The following ANKS1B variants were observed in gnomAD, a reference collection of about 807,000 sequenced individuals.
The protein encoded by ANKS1B is ankyrin repeat and sterile alpha motif domain containing 1B.
In ANKS1B, 36 loss-of-function variants were observed where a neutral mutation model predicts 148.3. That is an observed-to-expected ratio of 0.24 (90% CI 0.19 to 0.32). The LOEUF (loss-of-function observed/expected upper bound fraction) is 0.32, where lower values mean the gene tolerates loss of function less well. Among genes scored for constraint, ANKS1B ranks in the 10% least tolerant of loss-of-function variants. The probability of loss-of-function intolerance (pLI) is 1.00; values close to 1 mark genes in which losing one functional copy is unlikely to be tolerated. For synonymous variants in ANKS1B, 542 were observed against 560.8 expected (o/e 0.97, Z 0.47); for missense variants, 1,157 against 1,542.6 (o/e 0.75, Z 4.19).
chr12:99,445,173 T>A (rs2095616272), intron 10 of ANKS1B, among the ~76,000 whole-genome samples: 1 of 152,018 alleles, frequency 6.6e-6, no homozygotes, highest in Non-Finnish European at 1.5e-5. Flanking sequence ...CATGAGTCAA[T>A]ACTGAAACAC....
chr12:99,919,601 AAT>A (rs2094286353), intron 1 of ANKS1B, among the ~76,000 whole-genome samples: 1 of 152,158 alleles, frequency 6.6e-6, no homozygotes, highest in Non-Finnish European at 1.5e-5. Flanking sequence ...AGAAAACTTA[AAT>A]ACTACTCAGC....
chr12:98,789,304 C>T (rs1487841657), intron 22 of ANKS1B, among the ~76,000 whole-genome samples: 2 of 152,110 alleles, frequency 1.3e-5, no homozygotes, highest in African/African-American at 4.8e-5. Flanking sequence ...GATTGCACCA[C>T]CACACTCCAG....
chr12:99,373,336 G>A (rs971846177), intron 12 of ANKS1B, among the ~76,000 whole-genome samples: 2 of 152,100 alleles, frequency 1.3e-5, no homozygotes, highest in African/African-American at 4.8e-5. Context: ...AAGATAATTG[G>A]GAGAGGAAAA....
intron 9 of ANKS1B, among the ~76,000 whole-genome samples, chr12:99,567,455 C>T (rs1400961698): frequency 6.6e-6 from 1 of 152,074 alleles, no homozygotes; most frequent in African/African-American, 2.4e-5. Context: ...CCCCCCGACA[C>T]ACACACATAC....
At chr12:99,736,577 G>C (rs879319515) in intron 8 of ANKS1B, among the ~76,000 whole-genome samples, 11 of 151,920 alleles carry the variant, frequency 7.2e-5, no homozygotes, top group Non-Finnish European at 1.0e-4. Context: ...ACAAAACACT[G>C]ATAAAAGAAA....
intron 12 of ANKS1B, among the ~76,000 whole-genome samples, chr12:99,355,594 A>T (rs2091900814): frequency 6.6e-6 from 1 of 152,048 alleles, no homozygotes; most frequent in South Asian, 2.1e-4. Flanking sequence ...CTGCATGGAG[A>T]TTCAGATTTC....
intron 17 of ANKS1B, among the ~76,000 whole-genome samples, chr12:99,027,923 T>C (rs1287390360): frequency 6.6e-6 from 1 of 152,228 alleles, no homozygotes; most frequent in Admixed American, 6.5e-5. Context: ...ATTATTGCCA[T>C]AGCTACTCTA....
chr12:99,851,216 G>A (rs965383671), intron 1 of ANKS1B, among the ~76,000 whole-genome samples: 6 of 151,942 alleles, frequency 3.9e-5, no homozygotes, highest in African/African-American at 1.5e-4. Flanking sequence ...GGTTTCCTGT[G>A]GCAGGAATAT....
chr12:98,777,352 A>C (rs1021162104), intron 24 of ANKS1B, among the ~76,000 whole-genome samples: 1 of 152,266 alleles, frequency 6.6e-6, no homozygotes, highest in African/African-American at 2.4e-5. Context: ...CAATGAAAGC[A>C]AAAAACAAAC....
chr12:99,408,383 A>G (rs1056039922), intron 11 of ANKS1B, among the ~76,000 whole-genome samples: 1 of 145,942 alleles, frequency 6.9e-6, no homozygotes, highest in Non-Finnish European at 1.5e-5. Context: ...AAGACCTCAA[A>G]CTACAAAACT....
At chr12:98,870,688 C>T (rs1278308607) in intron 17 of ANKS1B, among the ~76,000 whole-genome samples, 1 of 152,184 alleles carries the variant, frequency 6.6e-6, no homozygotes, top group Non-Finnish European at 1.5e-5. Context: ...AAAGCTTGTA[C>T]AACAAATGCA....
intron 17 of ANKS1B, chr12:98,894,898 GCCCCCGCCCCCCGCGCGGCGCGTGC>G (rs1318582746): frequency 3.8e-5 from 36 of 953,530 alleles, no homozygotes; most frequent in Non-Finnish European, 3.8e-5. Context: ...GCCCCCCACT[GCCCCCGCCCCCCGCGCGGCGCGTGC>G]CCCCCACCCC....
chr12:99,401,534 C>G lies in ANKS1B; in HGVS notation c.1576-1723G>C, dbSNP rs540157396. On this transcript the variant is annotated intron_variant, in intron 11 of 26. Transcript: ENST00000683438. Reference sequence around the variant, plus strand: ...GAATCCTGACCACCCATGGTTCTAACTGCTTTAAAAACACAATGTTTTATG... The same window carrying G: ...GAATCCTGACCACCCATGGTTCTAAGTGCTTTAAAAACACAATGTTTTATG... Among the ~76,000 whole-genome samples, 7 of 146,796 alleles carry G rather than the reference C, an allele frequency of 4.8e-5. No homozygotes were observed. In the South Asian group the frequency reaches 1.5e-3, roughly 31 times the overall value.
At chr12:99,732,333 C>T (rs910492746) in intron 8 of ANKS1B, among the ~76,000 whole-genome samples, 4 of 152,118 alleles carry the variant, frequency 2.6e-5, no homozygotes, top group Non-Finnish European at 5.9e-5. Flanking sequence ...AACACAAAGA[C>T]TTACATGCAA....
chr12:99,670,323 T>C (rs879741720), intron 8 of ANKS1B, among the ~76,000 whole-genome samples: 10 of 152,068 alleles, frequency 6.6e-5, no homozygotes, highest in Admixed American at 3.9e-4. Context: ...TCATAATAAA[T>C]AGATGGTCCT....
chr12:99,071,732 C>T (rs1026434164), intron 16 of ANKS1B, among the ~76,000 whole-genome samples: 2 of 151,850 alleles, frequency 1.3e-5, no homozygotes, highest in African/African-American at 2.4e-5. Flanking sequence ...ACTGCAAGCT[C>T]CACCTCCCGG....
chr12:99,927,719 C>A (rs1031351149), intron 1 of ANKS1B, among the ~76,000 whole-genome samples: 4 of 152,060 alleles, frequency 2.6e-5, no homozygotes, highest in African/African-American at 9.7e-5. Flanking sequence ...GAGTTTGAGA[C>A]TGCAGTGACT....
chr12:99,175,838 TATTTA>T (rs1167557001), intron 14 of ANKS1B, among the ~76,000 whole-genome samples: 1 of 152,124 alleles, frequency 6.6e-6, no homozygotes, highest in Non-Finnish European at 1.5e-5. Context: ...ATTTTTTATT[TATTTA>T]CTTATTTTTA....
At chr12:99,339,163 T>C (rs1056162181) in intron 12 of ANKS1B, among the ~76,000 whole-genome samples, 4 of 152,182 alleles carry the variant, frequency 2.6e-5, no homozygotes, top group African/African-American at 9.6e-5. Flanking sequence ...AAGGGCACTT[T>C]AGCCCACAGT....
Sources: gnomAD v4.1 joint callset for allele counts (sites outside exome capture counted in the v4.1 genomes callset) on GRCh38, gnomAD v4.1.1 for gene constraint, MANE v1.5 for transcripts, NCBI Gene and HGNC (gene_info 2026-07-23, HGNC 2026-07-21) for gene names.